The following NDST3 variants were observed in gnomAD, a reference collection of about 807,000 sequenced individuals.
The protein encoded by NDST3 is bifunctional heparan sulfate N-deacetylase/N-sulfotransferase 3.
NDST3 carries 58 observed loss-of-function variants against 96.1 expected under a neutral mutation model. The observed-to-expected ratio is 0.60, with a 90% CI of 0.49 to 0.75. The LOEUF (loss-of-function observed/expected upper bound fraction) is 0.75, where lower values mean the gene tolerates loss of function less well. Among genes scored for constraint, NDST3 ranks in the 30% least tolerant of loss-of-function variants. NDST3 has a pLI of 0.00. For synonymous variants in NDST3, 333 were observed against 359.7 expected (o/e 0.93, Z 0.84); for missense variants, 788 against 1,034.2 (o/e 0.76, Z 3.27).
intron 6 of NDST3, among the ~76,000 whole-genome samples, chr4:118,222,113 T>G (rs1198772878): frequency 6.6e-6 from 1 of 151,986 alleles, no homozygotes; most frequent in Non-Finnish European, 1.5e-5. Context: ...TCAAGCCTTT[T>G]CTTTGTTTCT....
intron 6 of NDST3, among the ~76,000 whole-genome samples, chr4:118,156,102 T>G (rs1298963738): frequency 6.6e-6 from 1 of 152,182 alleles, no homozygotes; most frequent in Non-Finnish European, 1.5e-5. Context: ...AAATCAAATC[T>G]GGCTCCTGTC....
At chr4:118,086,570 T>C (rs996625483) in intron 2 of NDST3, among the ~76,000 whole-genome samples, 4 of 152,148 alleles carry the variant, frequency 2.6e-5, no homozygotes, top group Non-Finnish European at 4.4e-5. Context: ...CTGCCAACCA[T>C]CTTGGCCTAA....
intron 2 of NDST3, among the ~76,000 whole-genome samples, chr4:118,087,573 C>A (rs944771496): frequency 1.3e-5 from 2 of 152,132 alleles, no homozygotes; most frequent in Admixed American, 6.6e-5. Flanking sequence ...GAGCCTGGCA[C>A]AAATCATCAC....
At chr4:118,179,442 T>C (rs569582049) in intron 6 of NDST3, among the ~76,000 whole-genome samples, 1 of 152,152 alleles carries the variant, frequency 6.6e-6, no homozygotes, top group East Asian at 1.9e-4. Flanking sequence ...CAAGCCCTCA[T>C]TCTGCCATAA....
chr4:118,238,227 A>G lies in NDST3; in HGVS notation c.2118+1007A>G, dbSNP rs6845921. Among the ~76,000 whole-genome samples, 581 of 141,136 alleles carry G rather than the reference A, an allele frequency of 4.1e-3. 4 individuals are homozygous for G. The highest frequency in any genetic ancestry group is 0.014 in the Middle Eastern group (4 of 290). 92.6% of individuals were successfully genotyped at this position (141,136 alleles called of 152,430 possible). ...AGAAAGAAAGAAAGAAAGAAAGAAA[A>G]AGAAAGAAGAAAAAAAGAAAGAAAA... is the stretch of plus-strand genomic sequence containing the variant. On this transcript the variant is annotated intron_variant, in intron 10 of 13. Coordinates refer to ENST00000296499, the MANE Select transcript of NDST3 (RefSeq NM_004784.3).
chr4:118,170,483 A>C (rs1735864629), intron 6 of NDST3, among the ~76,000 whole-genome samples: 1 of 152,184 alleles, frequency 6.6e-6, no homozygotes, highest in Non-Finnish European at 1.5e-5. Flanking sequence ...CAGACCCAGC[A>C]CTTTGGGAGA....
intron 11 of NDST3, 88 bp from the exon 12 acceptor site, chr4:118,241,952 T>C: frequency 1.2e-6 from 1 of 859,824 alleles, no homozygotes; most frequent in Non-Finnish European, 1.9e-6. Context: ...ACAGTGTCTC[T>C]CACTGAATGA....
chr4:118,240,423 G>A, intron 10 of NDST3, 101 bp from the exon 11 acceptor site: 1 of 953,336 alleles, frequency 1.0e-6, no homozygotes, highest in Non-Finnish European at 1.5e-6. Flanking sequence ...CCAGCAGTGA[G>A]GCACTTCTTT....
intron 6 of NDST3, among the ~76,000 whole-genome samples, chr4:118,144,330 G>A (rs181563936): frequency 0.011 from 1,683 of 152,158 alleles, 25 homozygotes; most frequent in African/African-American, 0.038. Context: ...ACAGGCACCT[G>A]CCACCACACG....
At chr4:118,045,832 T>G (rs183686814) in intron 1 of NDST3, among the ~76,000 whole-genome samples, 91 of 152,312 alleles carry the variant, frequency 6.0e-4, no homozygotes, top group Non-Finnish European at 1.3e-4. Flanking sequence ...AGCTAGCTTT[T>G]AGCCTGCCTT....
intron 2 of NDST3, among the ~76,000 whole-genome samples, chr4:118,103,879 A>G (rs1729958151): frequency 1.3e-5 from 2 of 152,198 alleles, no homozygotes; most frequent in Admixed American, 1.3e-4. Flanking sequence ...TCAAAAACTT[A>G]CCATTGGCTA....
chr4:118,191,251 G>A (rs1170223417), intron 6 of NDST3, among the ~76,000 whole-genome samples: 1 of 152,210 alleles, frequency 6.6e-6, no homozygotes, highest in Non-Finnish European at 1.5e-5. Flanking sequence ...AAGACGGCCA[G>A]AAAAGCACCT....
intron 12 of NDST3, among the ~76,000 whole-genome samples, chr4:118,249,731 T>TACACAC (rs60479821): frequency 0.26 from 38,385 of 145,396 alleles, 4,967 homozygotes; most frequent in East Asian, 0.33. Flanking sequence ...CAGCCCCACA[T>TACACAC]ACACACACAC....
intron 1 of NDST3, among the ~76,000 whole-genome samples, chr4:118,046,099 AG>A (rs1289513057): frequency 6.6e-6 from 1 of 152,162 alleles, no homozygotes; most frequent in East Asian, 1.9e-4. Context: ...GATGCAATGC[AG>A]ATGCTGAGGC....
chr4:118,240,141 T>C (rs1412122163), intron 10 of NDST3, among the ~76,000 whole-genome samples: 1 of 151,748 alleles, frequency 6.6e-6, no homozygotes, highest in Non-Finnish European at 1.5e-5. Flanking sequence ...GTAGGGTGCT[T>C]CTCTATTATA....
At chr4:118,171,513 T>G (rs956751579) in intron 6 of NDST3, among the ~76,000 whole-genome samples, 11 of 149,472 alleles carry the variant, frequency 7.4e-5, no homozygotes, top group African/African-American at 2.1e-4. Flanking sequence ...GGGGTTTTTT[T>G]GTCTGGTTGC....
intron 2 of NDST3, among the ~76,000 whole-genome samples, chr4:118,100,150 T>C (rs1729646905): frequency 6.6e-6 from 1 of 152,058 alleles, no homozygotes; most frequent in South Asian, 2.1e-4. Context: ...GTAAAGCAGA[T>C]GGCCCTCCCC....
intron 6 of NDST3, among the ~76,000 whole-genome samples, chr4:118,221,634 T>C (rs1739552083): frequency 6.6e-6 from 1 of 152,092 alleles, no homozygotes; most frequent in Admixed American, 6.6e-5. Context: ...AGTTACACTT[T>C]GACAAACAGT....
intron 3 of NDST3, among the ~76,000 whole-genome samples, chr4:118,109,993 T>G (rs906460800): frequency 1.3e-4 from 20 of 152,172 alleles, no homozygotes. Context: ...TTTCATGTAC[T>G]TTTTCACTGA....
Sources: allele counts gnomAD v4.1 joint callset (sites outside exome capture counted in the v4.1 genomes callset), GRCh38; gene constraint gnomAD v4.1.1; transcripts MANE v1.5; gene names NCBI Gene and HGNC (gene_info 2026-07-23, HGNC 2026-07-21).